The following KMT2E variants were observed in gnomAD, a reference collection of about 807,000 sequenced individuals.
The protein encoded by KMT2E is histone reader KMT2E.
In KMT2E, 30 loss-of-function variants were observed where a neutral mutation model predicts 184.6. That is an observed-to-expected ratio of 0.16 (90% CI 0.12 to 0.22). KMT2E has a LOEUF of 0.22. Among genes scored for constraint, KMT2E ranks in the 10% least tolerant of loss-of-function variants. The pLI is 1.00. For synonymous variants in KMT2E, 815 were observed against 776.5 expected, an observed-to-expected ratio of 1.05 and a Z score of -0.82; for missense variants, 2,023 against 2,237.4, an observed-to-expected ratio of 0.90 and a Z score of 1.93.
intron 1 of KMT2E, among the ~76,000 whole-genome samples, chr7:105,036,606 G>A (rs148688036): frequency 3.3e-5 from 5 of 152,252 alleles, no homozygotes; most frequent in African/African-American, 1.2e-4. Context: ...GTAAAATGGG[G>A]ATAATAAATG....
At chr7:105,047,571 T>C (rs1381183448) in intron 3 of KMT2E, among the ~76,000 whole-genome samples, 3 of 152,252 alleles carry the variant, frequency 2.0e-5, no homozygotes, top group Admixed American at 2.0e-4. Context: ...AGCGCTGCTG[T>C]GCCAGGTAAA....
intron 6 of KMT2E, 121 bp from the exon 7 acceptor site, chr7:105,073,498 G>T: frequency 8.4e-6 from 5 of 593,046 alleles, no homozygotes; most frequent in Non-Finnish European, 1.5e-5. Flanking sequence ...AAGGGATTTT[G>T]TATATATTTT....
At position 105,087,841 on chromosome 7, in the gene KMT2E, T is replaced by C. The variant is rs867256512; in HGVS notation, c.1359-2168T>C. Among the ~76,000 whole-genome samples the C allele has an allele frequency of 3.8e-3, 578 of 150,256 alleles. 3 individuals carry two copies. The highest frequency in any genetic ancestry group is 0.02 in the Admixed American group (297 of 15,068). On this transcript the variant is annotated intron_variant, in intron 13 of 26. Transcript: ENST00000311117. ...TTTCTTGCTTTTTTTTTTTTTTTTT[T>C]CCCAGAAGTTCTTTATATATTCTGT... is the stretch of plus-strand genomic sequence containing the variant.
At chr7:105,109,347 A>G in intron 23 of KMT2E, 119 bp downstream of exon 23, 1 of 1,003,328 alleles carries the variant, frequency 1.0e-6, no homozygotes, top group Non-Finnish European at 1.4e-6. Flanking sequence ...ATTTTAAAAG[A>G]TTCTCTCTGC....
intron 3 of KMT2E, among the ~76,000 whole-genome samples, chr7:105,059,346 T>C (rs1307222330): frequency 2.0e-5 from 3 of 152,218 alleles, no homozygotes; most frequent in African/African-American, 7.2e-5. Context: ...TTAATAATAG[T>C]ACTGTAAATC....
At chr7:105,051,450 A>G (rs1171396476) in intron 3 of KMT2E, among the ~76,000 whole-genome samples, 10 of 151,920 alleles carry the variant, frequency 6.6e-5, no homozygotes, top group African/African-American at 2.4e-4. Flanking sequence ...CTACCAAAGT[A>G]CTGGGATTAC....
chr7:105,025,891 A>G (rs967497602), intron 1 of KMT2E, among the ~76,000 whole-genome samples: 1 of 152,184 alleles, frequency 6.6e-6, no homozygotes, highest in Non-Finnish European at 1.5e-5. Context: ...ATCTAGAAGG[A>G]AGTCTACATT....
chr7:105,040,356 G>A (rs1795825507), intron 2 of KMT2E, among the ~76,000 whole-genome samples: 1 of 152,104 alleles, frequency 6.6e-6, no homozygotes, highest in African/African-American at 2.4e-5. Flanking sequence ...GTGCTTTTCG[G>A]TATTAGCCTG....
chr7:105,086,953 T>C (rs1797996749), intron 13 of KMT2E, among the ~76,000 whole-genome samples: 1 of 147,108 alleles, frequency 6.8e-6, no homozygotes. Flanking sequence ...TAGTATGCTA[T>C]ATGTAATATT....
chr7:105,032,961 G>A (rs780150288), intron 1 of KMT2E, among the ~76,000 whole-genome samples: 1 of 152,156 alleles, frequency 6.6e-6, no homozygotes, highest in Non-Finnish European at 1.5e-5. Context: ...TTTTCTTTTA[G>A]CTATTGATTT....
intron 13 of KMT2E, among the ~76,000 whole-genome samples, chr7:105,085,245 G>T (rs938381130): frequency 2.6e-4 from 40 of 152,162 alleles, no homozygotes; most frequent in Non-Finnish European, 4.6e-4. Flanking sequence ...ATAGAAAAAT[G>T]TAAACAATAA....
chr7:105,108,721 G>A, intron 22 of KMT2E: 1 of 520,258 alleles, frequency 1.9e-6, no homozygotes. Context: ...TATTTCATAG[G>A]GTTGTTGTGA....
At chr7:105,077,632 A>G in intron 11 of KMT2E, 199 bp downstream of exon 11, 2 of 513,956 alleles carry the variant, frequency 3.9e-6, no homozygotes, top group Non-Finnish European at 3.4e-6. Flanking sequence ...AAATGCAAAG[A>G]TATATTCCGG....
rs1202173431 is a variant in KMT2E at position 105,113,329 on chromosome 7, A to T, written c.5573A>T (p.His1858Leu). 1 of 1,599,948 alleles carries T rather than the reference A, an allele frequency of 6.3e-7. No homozygotes were observed. Among genetic ancestry groups the T allele is most frequent in the Non-Finnish European group, 8.5e-7 (1 of 1,169,772 alleles). The change falls in exon 27 of 27, where the codon CAT (histidine) becomes CTT (leucine). Residue 1858 changes from histidine (H) to leucine (L), a missense_variant. His to Leu is a moderately conservative substitution (Grantham distance 99). Around this residue, in one of 8 missense-constraint regions of KMT2E, gnomAD observed 1,108 missense variants for 1,050.9 expected, o/e 1.05. Transcript: ENST00000311117. ...AACAATTACCATGGGTCAGGGTGGC[A>T]TTAAAATGGACTCCAAAAACATTTT... is the stretch of plus-strand genomic sequence containing the variant. Reference protein sequence around the residue: ...FQNNYHGSGWH With the variant: ...FQNNYHGSGWL
At chr7:105,108,416 T>A in intron 22 of KMT2E, 1 of 322,348 alleles carries the variant, frequency 3.1e-6, no homozygotes, top group South Asian at 2.8e-5. Flanking sequence ...ATTATTTGGT[T>A]GGCAGACATA....
chr7:105,035,234 G>C (rs75903999), intron 1 of KMT2E, among the ~76,000 whole-genome samples: 15 of 150,626 alleles, frequency 1.0e-4, no homozygotes, highest in African/African-American at 3.2e-4. Flanking sequence ...GGGTTTCACC[G>C]TGTTAGCCAG....
chr7:105,045,170 A>G (rs894281900), intron 3 of KMT2E, among the ~76,000 whole-genome samples: 2 of 152,336 alleles, frequency 1.3e-5, no homozygotes, highest in Middle Eastern at 3.4e-3. Flanking sequence ...TACAGTGACC[A>G]TGCTACCATC....
In KMT2E at chr7:105,112,677, G is replaced by C. The variant is rs749946849; in HGVS notation, c.4921G>C (p.Val1641Leu). ...PPPPAPGPHL[V>L]QQPNSHQQHS... ...ACCACCTGCTCCAGGACCGCACCTT[G>C]TACAACAGCCGAATTCCCATCAGCA... Residue 1641 changes from valine to leucine, a missense_variant, in exon 27 of 27, where the codon GTA (valine) becomes CTA (leucine). Coordinates refer to ENST00000311117, the MANE Select transcript of KMT2E (RefSeq NM_182931.3). 6.8e-6 allele frequency: 11 copies of C among 1,613,680 alleles called. No individual in the cohort carries two copies. Among genetic ancestry groups the C allele is most frequent in the East Asian group, 2.2e-5 (1 of 44,844 alleles).
chr7:105,031,033 G>A (rs1795390936), intron 1 of KMT2E, among the ~76,000 whole-genome samples: 1 of 152,106 alleles, frequency 6.6e-6, no homozygotes, highest in South Asian at 2.1e-4. Flanking sequence ...TAGAAGGAGA[G>A]TGAGGACACT....
Sources: gnomAD v4.1 joint callset for allele counts (sites outside exome capture counted in the v4.1 genomes callset) on GRCh38, gnomAD v4.1.1 for gene constraint, gnomAD v4.1.1 regional missense constraint, MANE v1.5 for transcripts, NCBI Gene and HGNC (gene_info 2026-07-23, HGNC 2026-07-21) for gene names.